Variants in CHRM3 observed in about 807,000 individuals in gnomAD.
The protein encoded by CHRM3 is muscarinic acetylcholine receptor M3.
CHRM3 carries 11 observed loss-of-function variants against 41.8 expected under a neutral mutation model. The ratio of observed to expected loss-of-function variants is 0.26; its 90% CI spans 0.17 to 0.44. CHRM3 has a LOEUF of 0.44. CHRM3 is among the 20% of genes least tolerant of loss of function. The pLI is 1.00. For synonymous variants in CHRM3, 297 were observed against 301.4 expected, an observed-to-expected ratio of 0.99 and a Z score of 0.15; for missense variants, 571 against 745.4, an observed-to-expected ratio of 0.77 and a Z score of 2.72.
At chr1:239,707,555 A>G (rs947944602) in intron 5 of CHRM3, 2 of 152,222 alleles carry the variant, frequency 1.3e-5, no homozygotes, top group African/African-American at 4.8e-5. Context: ...AGAAGGAAAC[A>G]TAAGGAACAA....
At chr1:239,711,513 A>G (rs185636824) in intron 5 of CHRM3, among the ~76,000 whole-genome samples, 1 of 152,062 alleles carries the variant, frequency 6.6e-6, no homozygotes, top group East Asian at 1.9e-4. Flanking sequence ...GAAATAATAA[A>G]TTATTGTTAT....
At chr1:239,549,054 C>T (rs901210611) in intron 3 of CHRM3, among the ~76,000 whole-genome samples, 27 of 152,238 alleles carry the variant, frequency 1.8e-4, no homozygotes, top group African/African-American at 5.3e-4. Flanking sequence ...TGGATGGCAG[C>T]AGGCACAGAG....
chr1:239,760,183 C>A (rs111816165), intron 5 of CHRM3, among the ~76,000 whole-genome samples: 10,027 of 151,912 alleles, frequency 0.066, 814 homozygotes, highest in African/African-American at 0.19. Context: ...CCTCGGCCCC[C>A]CAAAGTGCTA....
At chr1:239,427,254 T>A (rs544045401) in intron 1 of CHRM3, among the ~76,000 whole-genome samples, 1 of 152,148 alleles carries the variant, frequency 6.6e-6, no homozygotes, top group African/African-American at 2.4e-5. Context: ...GACAAGACTA[T>A]ATATAAAGGT....
At chr1:239,619,281 C>T (rs1668088160) in intron 3 of CHRM3, among the ~76,000 whole-genome samples, 1 of 152,116 alleles carries the variant, frequency 6.6e-6, no homozygotes. Context: ...TGGTTTTTAA[C>T]TTCAGGCTGT....
intron 3 of CHRM3, among the ~76,000 whole-genome samples, chr1:239,588,807 A>G (rs567749692): frequency 1.3e-5 from 2 of 152,328 alleles, no homozygotes; most frequent in African/African-American, 4.8e-5. Context: ...AGTGGAATGA[A>G]TAGAAATACA....
intron 5 of CHRM3, among the ~76,000 whole-genome samples, chr1:239,816,218 T>C (rs1475847274): frequency 2.6e-5 from 4 of 152,186 alleles, no homozygotes; most frequent in Non-Finnish European, 5.9e-5. Flanking sequence ...TGCTTTGCGA[T>C]TGATGGCTGC....
intron 5 of CHRM3, among the ~76,000 whole-genome samples, chr1:239,760,076 G>A (rs1295857218): frequency 9.1e-6 from 1 of 110,114 alleles, no homozygotes; most frequent in Non-Finnish European, 1.8e-5. Flanking sequence ...CACCACACCC[G>A]GCTAATTTTT....
At chr1:239,580,258 TCACACACACA>T (rs374479816) in intron 3 of CHRM3, among the ~76,000 whole-genome samples, 10,684 of 132,712 alleles carry the variant, frequency 0.081, 555 homozygotes, top group East Asian at 0.14. Context: ...ATACACACTG[TCACACACACA>T]CACACACACA....
intron 6 of CHRM3, among the ~76,000 whole-genome samples, chr1:239,862,824 G>C (rs1027511818): frequency 6.6e-6 from 1 of 152,088 alleles, no homozygotes; most frequent in Non-Finnish European, 1.5e-5. Context: ...GATCTATACT[G>C]GTCAAAGCTT....
At position 239,618,652 on chromosome 1, in the gene CHRM3, G is replaced by A. The variant is rs567663834; in HGVS notation, c.-312-13572G>A. On this transcript the variant is annotated intron_variant, in intron 3 of 6. Transcript: ENST00000676153. ...GAGGTCAGGAGATCGAGACCATCCT[G>A]GCTAACACGGTGAAACCCCGTCTCT... Among the ~76,000 whole-genome samples, 258 of 151,418 alleles carry A rather than the reference G, an allele frequency of 1.7e-3. 1 individual carries two copies. The highest frequency in any genetic ancestry group is 5.2e-3 in the African/African-American group (215 of 41,368).
chr1:239,718,415 T>C (rs1662608600), intron 5 of CHRM3, among the ~76,000 whole-genome samples: 1 of 152,050 alleles, frequency 6.6e-6, no homozygotes. Flanking sequence ...AGATACTGAC[T>C]TCTGAAGGAC....
At chr1:239,618,843 GAAAAA>G (rs1174760989) in intron 3 of CHRM3, among the ~76,000 whole-genome samples, 2 of 76,782 alleles carry the variant, frequency 2.6e-5, no homozygotes, top group African/African-American at 5.0e-5. Flanking sequence ...GACTCTGTCA[GAAAAA>G]AAAAAAAAAA....
intron 1 of CHRM3, among the ~76,000 whole-genome samples, chr1:239,427,308 C>A (rs751914813): frequency 2.0e-5 from 3 of 152,124 alleles, no homozygotes; most frequent in Non-Finnish European, 4.4e-5. Context: ...TGAAACACAC[C>A]AGGACTAGCA....
intron 1 of CHRM3, among the ~76,000 whole-genome samples, chr1:239,418,318 T>G (rs1006593690): frequency 3.3e-5 from 5 of 151,612 alleles, no homozygotes; most frequent in African/African-American, 1.2e-4. Context: ...CTTTTAGCAG[T>G]GCTTAGATGT....
At chr1:239,703,979 C>T (rs2148127837) in intron 5 of CHRM3, 1 of 152,272 alleles carries the variant, frequency 6.6e-6, no homozygotes, top group Non-Finnish European at 1.5e-5. Flanking sequence ...CTGGAAAGAG[C>T]TGGAATAACT....
intron 4 of CHRM3, among the ~76,000 whole-genome samples, chr1:239,661,897 G>T (rs1446167382): frequency 6.6e-6 from 1 of 151,970 alleles, no homozygotes; most frequent in Non-Finnish European, 1.5e-5. Context: ...AAAGGAAACT[G>T]TGTGTGAGAA....
intron 1 of CHRM3, among the ~76,000 whole-genome samples, chr1:239,401,788 C>T (rs1230054773): frequency 3.3e-5 from 5 of 152,074 alleles, no homozygotes; most frequent in African/African-American, 7.2e-5. Flanking sequence ...ATACCATGCC[C>T]GGCAGACTTT....
intron 4 of CHRM3, among the ~76,000 whole-genome samples, chr1:239,644,085 T>C (rs1432607791): frequency 6.6e-6 from 1 of 152,250 alleles, no homozygotes; most frequent in Non-Finnish European, 1.5e-5. Context: ...TTGAAACTTC[T>C]TGGGGTAAGG....
Sources: gnomAD v4.1 joint callset for allele counts (sites outside exome capture counted in the v4.1 genomes callset) on GRCh38, gnomAD v4.1.1 for gene constraint, MANE v1.5 for transcripts, NCBI Gene and HGNC (gene_info 2026-07-23, HGNC 2026-07-21) for gene names.